Variants in LCOR observed in about 807,000 individuals in gnomAD.
LCOR encodes ligand-dependent corepressor.
In LCOR, 14 loss-of-function variants were observed where a neutral mutation model predicts 64.4. That is an observed-to-expected ratio of 0.22 (90% CI 0.14 to 0.34). The LOEUF (loss-of-function observed/expected upper bound fraction) is 0.34, where lower values mean the gene tolerates loss of function less well. LCOR is among the 10% of genes least tolerant of loss of function. LCOR has a pLI of 1.00. For synonymous variants in LCOR, 643 were observed against 642.5 expected (o/e 1.00, Z -0.01); for missense variants, 1,686 against 1,765.3 (o/e 0.96, Z 0.80).
intron 4 of LCOR, among the ~76,000 whole-genome samples, chr10:96,912,126 G>T (rs960200872): frequency 5.3e-5 from 8 of 151,938 alleles, no homozygotes; most frequent in African/African-American, 1.9e-4. Flanking sequence ...TAGAGGCGGG[G>T]TTTCACCATG....
intron 2 of LCOR, among the ~76,000 whole-genome samples, chr10:96,874,846 C>CT (rs954149958): frequency 6.6e-6 from 1 of 151,930 alleles, no homozygotes; most frequent in Non-Finnish European, 1.5e-5. Context: ...CTGTGTTGGC[C>CT]AGGATGCTCT....
At chr10:96,923,227 G>A (rs555970548) in intron 4 of LCOR, among the ~76,000 whole-genome samples, 1 of 152,284 alleles carries the variant, frequency 6.6e-6, no homozygotes, top group South Asian at 2.1e-4. Flanking sequence ...AGCAGATATG[G>A]CTGTAGCTGT....
intron 2 of LCOR, among the ~76,000 whole-genome samples, chr10:96,871,452 G>A (rs765929553): frequency 4.0e-5 from 6 of 151,724 alleles, no homozygotes; most frequent in South Asian, 2.1e-4. Flanking sequence ...TCACTCTGTC[G>A]CCCAGGCTGG....
intron 6 of LCOR, among the ~76,000 whole-genome samples, chr10:96,949,640 A>G (rs917957902): frequency 3.9e-5 from 6 of 152,172 alleles, no homozygotes; most frequent in Admixed American, 1.3e-4. Context: ...TTTTCTTATT[A>G]ACTAAAAATT....
chr10:96,883,601 T>C (rs1238095935), intron 2 of LCOR, among the ~76,000 whole-genome samples: 1 of 152,226 alleles, frequency 6.6e-6, no homozygotes, highest in African/African-American at 2.4e-5. Flanking sequence ...TGCTGACATA[T>C]AATGTTGAAC....
In LCOR at chr10:96,835,858, G is replaced by A. The variant is rs971772002; in HGVS notation, c.-330+2379G>A. ...TCAGTTGAATTGGAGTTAGTCCTGG[G>A]TTCAGACAGTGATTATGATCAAGAT... On this transcript the variant is annotated intron_variant, in intron 2 of 7. Coordinates refer to ENST00000421806, the MANE Select transcript of LCOR (RefSeq NM_001346516.2). Among the ~76,000 whole-genome samples, 72 of 152,148 alleles carry A rather than the reference G, an allele frequency of 4.7e-4. 1 individual carries two copies. Among genetic ancestry groups the A allele is most frequent in the Admixed American group, 4.1e-3 (63 of 15,276 alleles).
At chr10:96,955,808 T>G in intron 7 of LCOR, 1 of 1,614,080 alleles carries the variant, frequency 6.2e-7, no homozygotes, top group Non-Finnish European at 8.5e-7. Flanking sequence ...TGAAAAACCC[T>G]CCAAAGAAAA....
chr10:96,990,794 A>T lies in LCOR; in HGVS notation c.*5660A>T, dbSNP rs1333382780. 1.3e-5 allele frequency: 2 copies of T among 152,032 alleles called. No individual in the cohort carries two copies. The highest frequency in any genetic ancestry group is 2.9e-5 in the Non-Finnish European group (2 of 68,030). The allele number at this position is 152,032 out of a possible 1,614,324, so 9.4% of individuals were successfully genotyped here. A position where few individuals can be genotyped will look rare whatever the true frequency, so the allele number is the denominator to read the frequency against. ...GTGCTTGATGCTCAGTGCTCAGGAGATGTCCTTTGCTCCATCCTTCAGAGG... is the reference window on the plus strand; with the variant it reads ...GTGCTTGATGCTCAGTGCTCAGGAGTTGTCCTTTGCTCCATCCTTCAGAGG... On this transcript the variant is annotated 3_prime_UTR_variant, in exon 8 of 8. Transcript: ENST00000421806.
intron 2 of LCOR, among the ~76,000 whole-genome samples, chr10:96,869,831 T>G (rs1444455324): frequency 6.6e-6 from 1 of 152,164 alleles, no homozygotes; most frequent in Non-Finnish European, 1.5e-5. Context: ...CACCTTGGCC[T>G]CCCAGAGTGC....
chr10:96,928,108 G>C (rs1179990197), intron 4 of LCOR, among the ~76,000 whole-genome samples: 2 of 152,080 alleles, frequency 1.3e-5, no homozygotes, highest in Non-Finnish European at 2.9e-5. Context: ...CTGAAAGTTG[G>C]GGTGGCTGTG....
At chr10:96,859,745 G>A (rs1845858005) in intron 2 of LCOR, among the ~76,000 whole-genome samples, 1 of 152,136 alleles carries the variant, frequency 6.6e-6, no homozygotes, top group Admixed American at 6.5e-5. Context: ...TTTTAGTAGA[G>A]AAGGGGTTTT....
In LCOR at chr10:96,981,005, A is replaced by G; in HGVS notation, c.545A>G (p.Gln182Arg). ...DVSTCNAGCA[Q>R]LSTKHKEKDA... ...TCCACTTGCAATGCTGGCTGTGCCC[A>G]GCTCAGCACCAAACATAAGGAAAAA... Residue 182 changes from glutamine (Q) to arginine (R), a missense_variant, in exon 8 of 8, where the codon CAG (glutamine) becomes CGG (arginine). Gln to Arg is a conservative substitution (Grantham distance 43). This residue lies in a region of LCOR where 313 missense variants were observed against 247.2 expected (regional missense o/e 1.27). Transcript: ENST00000421806. 5.7e-6 allele frequency: 4 copies of G among 703,044 alleles called. No homozygotes were observed. The highest frequency in any genetic ancestry group is 3.5e-5 in the African/African-American group (2 of 57,390). The allele number at this position is 703,044 out of a possible 1,614,324, so 43.6% of individuals were successfully genotyped here.
intron 7 of LCOR, among the ~76,000 whole-genome samples, chr10:96,966,463 C>T (rs1052374788): frequency 6.6e-5 from 10 of 151,996 alleles, no homozygotes; most frequent in Non-Finnish European, 1.0e-4. Context: ...CTCCTGACCT[C>T]GTGATCCGCC....
Position 96,876,399 on chromosome 10 carries a change from AAC to A in LCOR, c.-329-30862_-329-30861del, listed in dbSNP as rs1337077375. Among the ~76,000 whole-genome samples, 9 of 152,220 alleles carry A rather than the reference AAC, an allele frequency of 5.9e-5. No individual in the cohort carries two copies. In the South Asian group the frequency reaches 8.3e-4, roughly 14 times the overall value. On this transcript the variant is annotated intron_variant, in intron 2 of 7. Transcript: ENST00000421806. ...ATATGAATTTGGGGATTAATTTCTC[AAC>A]ACATGAAATTTGGGGATACATTCAA...
chr10:96,920,434 G>GTATATATGTATATTCA (rs71007309), intron 4 of LCOR, among the ~76,000 whole-genome samples: 1 of 124,012 alleles, frequency 8.1e-6, no homozygotes, highest in Admixed American at 7.8e-5. Context: ...ATATATATGT[G>GTATATATGTATATTCA]TATATATGTG....
At chr10:96,957,834 G>A (rs1012241647) in intron 7 of LCOR, 2 of 985,648 alleles carry the variant, frequency 2.0e-6, no homozygotes, top group African/African-American at 3.5e-5. Flanking sequence ...TGGTTATTTT[G>A]TGTAGCAGTT....
intron 2 of LCOR, among the ~76,000 whole-genome samples, chr10:96,894,212 C>T (rs1846498230): frequency 1.3e-5 from 2 of 152,188 alleles, no homozygotes; most frequent in Admixed American, 1.3e-4. Flanking sequence ...CTGTGTCAGC[C>T]TCCCGAGCAG....
intron 2 of LCOR, among the ~76,000 whole-genome samples, chr10:96,902,362 A>G (rs575072112): frequency 3.3e-5 from 5 of 152,330 alleles, no homozygotes; most frequent in African/African-American, 1.2e-4. Flanking sequence ...ATAGTGCATC[A>G]TCTGGGAGAA....
intron 7 of LCOR, among the ~76,000 whole-genome samples, chr10:96,970,856 C>G (rs1245521634): frequency 6.6e-6 from 1 of 151,760 alleles, no homozygotes; most frequent in African/African-American, 2.4e-5. Flanking sequence ...TGAGCTCAGG[C>G]AATCCTCCTG....
Sources: allele counts gnomAD v4.1 joint callset (sites outside exome capture counted in the v4.1 genomes callset), GRCh38; gene constraint gnomAD v4.1.1; regional missense constraint gnomAD v4.1.1; transcripts MANE v1.5; gene names NCBI Gene and HGNC (gene_info 2026-07-23, HGNC 2026-07-21).